Variants in CSMD1 observed in about 807,000 individuals in gnomAD.
CSMD1 encodes CUB and sushi domain-containing protein 1.
CSMD1 carries 213 observed loss-of-function variants against 417.5 expected under a neutral mutation model. The observed-to-expected ratio is 0.51, with a 90% CI of 0.46 to 0.57. The LOEUF (loss-of-function observed/expected upper bound fraction) is 0.57, where lower values mean the gene tolerates loss of function less well. Ranked by LOEUF, CSMD1 falls within the 20% of genes least tolerant of loss-of-function variation. The pLI is 0.00. For missense variants in CSMD1, 6,923 were observed against 4,529.7 expected, an observed-to-expected ratio of 1.53 and a Z score of -15.17; for synonymous variants, 2,862 against 1,736.8, an observed-to-expected ratio of 1.65 and a Z score of -16.11.
intron 26 of CSMD1, among the ~76,000 whole-genome samples, chr8:3,236,077 CA>C (rs1209704661): frequency 6.6e-6 from 1 of 151,758 alleles, no homozygotes; most frequent in African/African-American, 2.4e-5. Context: ...ACCACCACAC[CA>C]GGCTAATTTT....
intron 7 of CSMD1, among the ~76,000 whole-genome samples, chr8:3,682,988 C>G (rs1322309391): frequency 6.6e-6 from 1 of 151,960 alleles, no homozygotes; most frequent in Non-Finnish European, 1.5e-5. Flanking sequence ...TACGTGGGAA[C>G]TGAACAATGA....
At position 3,387,350 on chromosome 8, in the gene CSMD1, G is replaced by T. The variant is rs147865728; in HGVS notation, c.2782+144C>A. On this transcript the variant is annotated intron_variant, in intron 18 of 69. Coordinates refer to ENST00000635120, the MANE Select transcript of CSMD1 (RefSeq NM_033225.6). ...AACTTCAAATGATCGGGAATGATACGATGATGGTATACAACTTCTCAGAGG... is the reference window on the plus strand; with the variant it reads ...AACTTCAAATGATCGGGAATGATACTATGATGGTATACAACTTCTCAGAGG... The T allele has an allele frequency of 4.9e-6, 3 of 608,456 alleles. No individual in the cohort carries two copies. The South Asian group carries it at 6.5e-5, about 13-fold the overall frequency. 37.7% of individuals were successfully genotyped at this position (608,456 alleles called of 1,614,324 possible).
intron 2 of CSMD1, among the ~76,000 whole-genome samples, chr8:4,484,593 C>T (rs1200853054): frequency 4.6e-5 from 7 of 152,076 alleles, no homozygotes; most frequent in Admixed American, 6.6e-5. Context: ...CAGGTATCAA[C>T]TTGGAGGGCT....
At chr8:4,953,278 C>G (rs1418050673) in intron 1 of CSMD1, among the ~76,000 whole-genome samples, 1 of 152,078 alleles carries the variant, frequency 6.6e-6, no homozygotes, top group Non-Finnish European at 1.5e-5. Flanking sequence ...AATAGCCTAA[C>G]TAAATCAGTC....
At chr8:3,489,112 C>T (rs1293842965) in intron 11 of CSMD1, among the ~76,000 whole-genome samples, 1 of 152,064 alleles carries the variant, frequency 6.6e-6, no homozygotes, top group Non-Finnish European at 1.5e-5. Context: ...GGCTCTTCAG[C>T]AGTCTTTTAA....
At chr8:3,912,773 C>G (rs567894251) in intron 5 of CSMD1, among the ~76,000 whole-genome samples, 2 of 152,094 alleles carry the variant, frequency 1.3e-5, no homozygotes, top group African/African-American at 4.8e-5. Context: ...AGCTCAAGGT[C>G]ACACGAAGGC....
At chr8:3,977,406 GT>G (rs1433779016) in intron 5 of CSMD1, among the ~76,000 whole-genome samples, 2 of 152,008 alleles carry the variant, frequency 1.3e-5, no homozygotes, top group Non-Finnish European at 2.9e-5. Context: ...TAAAGGTTTT[GT>G]TTTTGTTGTT....
At chr8:3,983,332 G>C (rs1207515241) in intron 5 of CSMD1, among the ~76,000 whole-genome samples, 1 of 151,852 alleles carries the variant, frequency 6.6e-6, no homozygotes, top group Non-Finnish European at 1.5e-5. Context: ...GGGTTTCACC[G>C]TGTTGGCCAG....
intron 3 of CSMD1, among the ~76,000 whole-genome samples, chr8:4,100,905 G>T (rs535482552): frequency 2.0e-5 from 3 of 152,168 alleles, no homozygotes; most frequent in African/African-American, 7.2e-5. Flanking sequence ...ATAAAGAACA[G>T]AAAGTGGTGT....
intron 2 of CSMD1, among the ~76,000 whole-genome samples, chr8:4,465,491 C>T (rs139228565): frequency 3.9e-4 from 60 of 152,212 alleles, no homozygotes; most frequent in African/African-American, 1.3e-3. Flanking sequence ...CGTCGTCCTC[C>T]CAAGAGGTGA....
intron 1 of CSMD1, among the ~76,000 whole-genome samples, chr8:4,952,779 G>C (rs955308290): frequency 2.0e-5 from 3 of 151,950 alleles, no homozygotes; most frequent in African/African-American, 7.2e-5. Context: ...TCAATTTATA[G>C]CTTACATCCT....
chr8:4,078,555 C>G (rs1461376336), intron 3 of CSMD1, among the ~76,000 whole-genome samples: 1 of 151,560 alleles, frequency 6.6e-6, no homozygotes, highest in South Asian at 2.1e-4. Flanking sequence ...TGAGCCACTG[C>G]GCCCGGCTGA....
At chr8:3,206,504 G>A (rs1223774834) in intron 30 of CSMD1, among the ~76,000 whole-genome samples, 1 of 136,736 alleles carries the variant, frequency 7.3e-6, no homozygotes, top group South Asian at 2.5e-4. Context: ...GGGTGTATGT[G>A]TGTGTGGTGT....
chr8:4,938,764 T>C (rs1807789334), intron 1 of CSMD1, among the ~76,000 whole-genome samples: 1 of 152,220 alleles, frequency 6.6e-6, no homozygotes, highest in Admixed American at 6.5e-5. Flanking sequence ...GTGTGTGGCC[T>C]GTGGGTCAAG....
chr8:4,013,050 C>T (rs1205839367), intron 4 of CSMD1, among the ~76,000 whole-genome samples: 4 of 152,116 alleles, frequency 2.6e-5, no homozygotes, highest in South Asian at 2.1e-4. Context: ...CCCTTCTCAG[C>T]TTATGTTCTT....
At chr8:4,475,096 G>C (rs891053274) in intron 2 of CSMD1, among the ~76,000 whole-genome samples, 1 of 152,064 alleles carries the variant, frequency 6.6e-6, no homozygotes. Flanking sequence ...TTAAGCATTT[G>C]AAAAATGGAT....
At chr8:3,610,820 G>C (rs1291993853) in intron 8 of CSMD1, among the ~76,000 whole-genome samples, 1 of 152,096 alleles carries the variant, frequency 6.6e-6, no homozygotes, top group Non-Finnish European at 1.5e-5. Context: ...TAGAAGGTCT[G>C]TGAGGTCAAA....
intron 3 of CSMD1, among the ~76,000 whole-genome samples, chr8:4,360,738 C>T (rs1292401498): frequency 6.6e-6 from 1 of 151,670 alleles, no homozygotes; most frequent in Non-Finnish European, 1.5e-5. Flanking sequence ...TCGTGATCCG[C>T]CTACCTCGGC....
At chr8:3,636,753 G>T (rs796837162) in intron 7 of CSMD1, among the ~76,000 whole-genome samples, 1 of 152,168 alleles carries the variant, frequency 6.6e-6, no homozygotes, top group African/African-American at 2.4e-5. Context: ...ATGGCAGGGA[G>T]TAAGGCAGAG....
Sources: allele counts gnomAD v4.1 joint callset (sites outside exome capture counted in the v4.1 genomes callset), GRCh38; gene constraint gnomAD v4.1.1; transcripts MANE v1.5; gene names NCBI Gene and HGNC (gene_info 2026-07-23, HGNC 2026-07-21).